ABCC10: variants seen among roughly 807,000 people sequenced by gnomAD.
ABCC10 encodes the protein ATP-binding cassette sub-family C member 10.
A neutral mutation model predicts 143.2 loss-of-function variants in ABCC10; 110 were observed. The ratio of observed to expected loss-of-function variants is 0.77; its 90% CI spans 0.66 to 0.90. ABCC10 has a LOEUF of 0.90. ABCC10 is among the 40% of genes least tolerant of loss of function. The probability of loss-of-function intolerance (pLI) is 0.00; values close to 1 mark genes in which losing one functional copy is unlikely to be tolerated. For synonymous variants in ABCC10, 805 were observed against 846.7 expected, an observed-to-expected ratio of 0.95 and a Z score of 0.85; for missense variants, 1,700 against 1,900.5, an observed-to-expected ratio of 0.89 and a Z score of 1.96.
At position 43,443,181 on chromosome 6, in the gene ABCC10, T is replaced by C. The variant is rs766524632; in HGVS notation, c.2416+22T>C. Reference sequence around the variant, plus strand: ...GCTGGTAATGGGGGCAGGAGCCCCGTGTGAGGGAGGTGTCTGCCCAGGTCT... The same window carrying C: ...GCTGGTAATGGGGGCAGGAGCCCCGCGTGAGGGAGGTGTCTGCCCAGGTCT... On this transcript the variant is annotated intron_variant, in intron 10 of 21. Transcript: ENST00000372530. This position sits in a 1 kb window ranked among gnomAD's most constrained non-coding sequence, Gnocchi z 4.2. 3 of 1,564,756 alleles carry C rather than the reference T, an allele frequency of 1.9e-6. No homozygotes were observed. Among genetic ancestry groups the C allele is most frequent in the Non-Finnish European group, 2.6e-6 (3 of 1,162,244 alleles).
intron 2 of ABCC10, 149 bp from the exon 3 acceptor site, chr6:43,431,993 T>TG: frequency 6.9e-7 from 1 of 1,440,610 alleles, no homozygotes; most frequent in Non-Finnish European, 9.1e-7. Context: ...GAAAAGACCC[T>TG]GGGTTCTGAG....
chr6:43,450,562 G>A (rs1055445157), downstream of ABCC10: 32 of 1,569,760 alleles, frequency 2.0e-5, no homozygotes, highest in Non-Finnish European at 2.8e-5. The surrounding 1 kb of genome is among the most constrained non-coding windows in gnomAD (Gnocchi z 4.5). Flanking sequence ...GTCTTTCCAG[G>A]CTCAGGGGGC....
rs199870012 is a variant in ABCC10 at position 43,449,026 on chromosome 6, G to C, written c.4105G>C (p.Gly1369Arg). 1 of 1,613,972 alleles carries C rather than the reference G, an allele frequency of 6.2e-7. No individual in the cohort carries two copies. The highest frequency in any genetic ancestry group is 8.5e-7 in the Non-Finnish European group (1 of 1,179,878). Residue 1369 changes from glycine (G) to arginine (R), a missense_variant and splice_region_variant, in exon 19 of 22, where the codon GGT (glycine) becomes CGT (arginine). Coordinates refer to ENST00000372530, the MANE Select transcript of ABCC10 (RefSeq NM_001198934.2). ...CCTGAGTGAGGTGATTACATCCATGGGTGAGTGCTGGACCCTGACCTTAGA... is the reference window on the plus strand; with the variant it reads ...CCTGAGTGAGGTGATTACATCCATGCGTGAGTGCTGGACCCTGACCTTAGA... The part of the protein sequence containing the change: ...CHLSEVITSM[G>R]GLDGELGEGG...
At chr6:43,431,934 T>G (rs2127382892) in intron 2 of ABCC10, 1 of 1,402,656 alleles carries the variant, frequency 7.1e-7, no homozygotes, top group Admixed American at 3.1e-5. Flanking sequence ...GCCGGTTAGC[T>G]CAGTTGGTCA....
Position 43,450,389 on chromosome 6 carries a change from T to A in ABCC10, c.*298T>A. The A allele has an allele frequency of 9.3e-7, 1 of 1,074,326 alleles. No individual in the cohort carries two copies. Among genetic ancestry groups the A allele is most frequent in the Non-Finnish European group, 1.3e-6 (1 of 776,274 alleles). The allele number at this position is 1,074,326 out of a possible 1,614,324, so 66.5% of individuals were successfully genotyped here. On this transcript the variant is annotated 3_prime_UTR_variant, in exon 22 of 22. Coordinates refer to ENST00000372530, the MANE Select transcript of ABCC10 (RefSeq NM_001198934.2). This position sits in a 1 kb window ranked among gnomAD's most constrained non-coding sequence, Gnocchi z 4.5. ...AGTTTTATTTGATAAAATTCCATCT[T>A]ACATTCTGTGTATTAAAAAAATAAT...
chr6:43,429,240 G>C (rs1222632072), intron 2 of ABCC10, among the ~76,000 whole-genome samples: 1 of 34,296 alleles, frequency 2.9e-5, no homozygotes, highest in Non-Finnish European at 7.0e-5. Context: ...GGGGTGATGA[G>C]GCTGGTTGAT....
intron 4 of ABCC10, 132 bp from the exon 5 acceptor site, chr6:43,435,619 A>C: frequency 9.3e-7 from 1 of 1,078,574 alleles, no homozygotes; most frequent in Non-Finnish European, 1.3e-6. Context: ...ATCTGATCCC[A>C]GGATTGGCCA....
At chr6:43,449,300 G>A in intron 20 of ABCC10, 96 bp downstream of exon 20, 1 of 1,517,256 alleles carries the variant, frequency 6.6e-7, no homozygotes, top group Non-Finnish European at 9.0e-7. Context: ...AGGGGACCAA[G>A]TTCATTTTCC....
intron 2 of ABCC10, 66 bp from the exon 3 acceptor site, chr6:43,432,076 G>A: frequency 6.3e-7 from 1 of 1,576,552 alleles, no homozygotes; most frequent in Non-Finnish European, 8.6e-7. Flanking sequence ...ATTATTGGAG[G>A]TGAGGGGTAT....
At position 43,448,896 on chromosome 6, in the gene ABCC10, C is replaced by T; in HGVS notation, c.3975C>T (p.Ile1325=). 1 of 1,612,896 alleles carries T rather than the reference C, an allele frequency of 6.2e-7. No homozygotes were observed. Among genetic ancestry groups the T allele is most frequent in the Non-Finnish European group, 8.5e-7 (1 of 1,179,588 alleles). ...TGTCCCCCAGATCCCAGTTGGCTAT[C>T]ATCCCCCAGGAGCCCTTTTTGTTCA... is the stretch of plus-strand genomic sequence containing the variant. ...ELAQLRSQLA[I]IPQEPFLFSG... The change falls in exon 19 of 22, where the codon ATC becomes ATT. Residue 1325 remains isoleucine (I), a synonymous_variant. Coordinates refer to ENST00000372530, the MANE Select transcript of ABCC10 (RefSeq NM_001198934.2).
At chr6:43,444,118 C>T (rs778226457) in intron 11 of ABCC10, 41 bp from the exon 12 acceptor site, 1 of 1,609,640 alleles carries the variant, frequency 6.2e-7, no homozygotes, top group South Asian at 1.1e-5. Context: ...TCAGCTGGCA[C>T]CCTGCAAGCT....
In ABCC10 at chr6:43,438,641, C is replaced by A. The variant is rs757675210; in HGVS notation, c.1973C>A (p.Ala658Glu). 6 of 1,613,998 alleles carry A rather than the reference C, an allele frequency of 3.7e-6. No homozygotes were observed. In the South Asian group the frequency reaches 6.6e-5, roughly 18 times the overall value. Residue 658 changes from alanine to glutamate, a missense_variant, in exon 8 of 22, where the codon GCA (alanine) becomes GAA (glutamate). By Grantham distance (107) the Ala-to-Glu change is moderately radical. Coordinates refer to ENST00000372530, the MANE Select transcript of ABCC10 (RefSeq NM_001198934.2). The stretch of plus-strand genomic sequence containing the variant: ...CTCTGCAGGCTGCGTGGGCATGTGG[C>A]AGTGCGGGGGCTGTCCAAGGGCTTT... ...GELHRLRGHV[A>E]VRGLSKGFGL...
At chr6:43,435,086 C>T (rs907718899) in intron 4 of ABCC10, 3 of 525,004 alleles carry the variant, frequency 5.7e-6, no homozygotes, top group African/African-American at 5.7e-5. Flanking sequence ...CTATTCAGTT[C>T]CAGGCTTGGG....
Position 43,445,110 on chromosome 6 carries a change from C to T in ABCC10, c.2841-15C>T, listed in dbSNP as rs1175971839. On this transcript the variant is annotated splice_polypyrimidine_tract_variant and intron_variant, in intron 13 of 21. Transcript: ENST00000372530. ...CCTAGTTTTGGTTACCGACAGCCCC[C>T]TCCTCACCACCCAGCATCCCAGTGT... is the stretch of plus-strand genomic sequence containing the variant. 1.9e-6 allele frequency: 3 copies of T among 1,613,258 alleles called. No homozygotes were observed. The highest frequency in any genetic ancestry group is 3.3e-5 in the Admixed American group (2 of 59,996).
chr6:43,432,644 T>A lies in ABCC10; in HGVS notation c.664T>A (p.Ser222Thr), dbSNP rs1781261169. 6.2e-7 allele frequency: 1 copy of A among 1,613,800 alleles called. No individual in the cohort carries two copies. Among genetic ancestry groups the A allele is most frequent in the African/African-American group, 1.3e-5 (1 of 74,936 alleles). ...EVAEDGESWLSRFSYAWLAPL... is the reference protein window; with the variant it reads ...EVAEDGESWLTRFSYAWLAPL... ...GGCTGAAGATGGGGAGAGTTGGCTGTCACGCTTTTCCTATGCCTGGCTGGC... is the reference window on the plus strand; with the variant it reads ...GGCTGAAGATGGGGAGAGTTGGCTGACACGCTTTTCCTATGCCTGGCTGGC... Residue 222 changes from serine (S) to threonine (T), a missense_variant, in exon 3 of 22, where the codon TCA becomes ACA. Ser to Thr is a moderately conservative substitution (Grantham distance 58). Transcript: ENST00000372530.
rs768367035 is a variant in ABCC10 at position 43,445,652 on chromosome 6, C to T, written c.3084C>T (p.Phe1028=). 1 of 1,614,176 alleles carries T rather than the reference C, an allele frequency of 6.2e-7. No individual in the cohort carries two copies. Among genetic ancestry groups the T allele is most frequent in the Non-Finnish European group, 8.5e-7 (1 of 1,180,016 alleles). ...CCACGGGCCGGATCCTAAACCGCTT[C>T]TCCTCTGATGTGGCCTGTGCGGATG... ...ATPTGRILNR[F]SSDVACADDS... is the part of the protein sequence containing the mutation. The change falls in exon 15 of 22, where the codon TTC becomes TTT. Residue 1028 remains phenylalanine (F), a synonymous_variant. Transcript: ENST00000372530.
In ABCC10 at chr6:43,449,088, G is replaced by A. The variant is rs368958163; in HGVS notation, c.4106-19G>A. Reference sequence around the variant, plus strand: ...GCAGGGATGGCCTGGGCCCTGCAACGAAGATGCTTTCCTTGCAGGTGGTCT... The same window carrying A: ...GCAGGGATGGCCTGGGCCCTGCAACAAAGATGCTTTCCTTGCAGGTGGTCT... On this transcript the variant is annotated intron_variant, in intron 19 of 21. Transcript: ENST00000372530. 44 of 1,613,964 alleles carry A rather than the reference G, an allele frequency of 2.7e-5. No individual in the cohort carries two copies. The highest frequency in any genetic ancestry group is 3.3e-4 in the Middle Eastern group (2 of 6,082).
In ABCC10 at chr6:43,429,137, G is replaced by A. The variant is rs1780821010; in HGVS notation, c.161+998G>A. ...AGGGTTAGAGAGATCGAGAATCTAA[G>A]ACAGGAAAGGGCCTCAGAAGGCTTT... On this transcript the variant is annotated intron_variant, in intron 2 of 21. Transcript: ENST00000372530. Among the ~76,000 whole-genome samples the A allele has an allele frequency of 2.0e-5, 3 of 152,138 alleles. No homozygotes were observed. In the South Asian group the frequency reaches 6.2e-4, roughly 32 times the overall value.
chr6:43,432,445 C>A lies in ABCC10; in HGVS notation c.465C>A (p.Cys155Ter). The A allele has an allele frequency of 6.2e-7, 1 of 1,611,746 alleles. No individual in the cohort carries two copies. The highest frequency in any genetic ancestry group is 8.5e-7 in the Non-Finnish European group (1 of 1,180,022). The change falls in exon 3 of 22, where the codon TGC becomes TGA. Residue 155 changes from cysteine to a stop codon, truncating the protein, a stop_gained. Coordinates refer to ENST00000372530, the MANE Select transcript of ABCC10 (RefSeq NM_001198934.2). LOFTEE classifies it high-confidence loss of function. ...PALVLTVLWH[C>*]QRGTLLPPLL... ...TAGTGCTGACCGTGTTGTGGCATTG[C>A]CAGCGAGGCACACTTCTGCCCCCAC...
Sources: gnomAD v4.1 joint callset for allele counts (sites outside exome capture counted in the v4.1 genomes callset) on GRCh38, gnomAD v4.1.1 for gene constraint, Gnocchi (gnomAD v3.1) non-coding constraint, MANE v1.5 for transcripts, NCBI Gene and HGNC (gene_info 2026-07-23, HGNC 2026-07-21) for gene names.